Variants in ATP10B observed in about 807,000 individuals in gnomAD.
ATP10B encodes the protein ATPase phospholipid transporting 10B (putative).
Under a neutral mutation model 141.2 loss-of-function variants are expected in ATP10B, and 122 were observed. That is an observed-to-expected ratio of 0.86 (90% CI 0.75 to 1.00). The LOEUF (loss-of-function observed/expected upper bound fraction) is 1.00. ATP10B is among the 50% of genes least tolerant of loss of function. The pLI, the probability that ATP10B is intolerant of heterozygous loss-of-function variation, is 0.00. For synonymous variants in ATP10B, 685 were observed against 692.0 expected, an observed-to-expected ratio of 0.99 and a Z score of 0.16; for missense variants, 1,876 against 1,825.3, an observed-to-expected ratio of 1.03 and a Z score of -0.51.
chr5:160,732,508 C>G (rs542281615), intron 2 of ATP10B, among the ~76,000 whole-genome samples: 17 of 152,252 alleles, frequency 1.1e-4, no homozygotes, highest in Admixed American at 7.2e-4. Flanking sequence ...TAGTTTCATT[C>G]TTCTGCATAT....
chr5:160,631,204 C>T (rs900870751), intron 13 of ATP10B, among the ~76,000 whole-genome samples: 2 of 152,198 alleles, frequency 1.3e-5, no homozygotes, highest in African/African-American at 4.8e-5. Context: ...CTGGGGCTCC[C>T]TGTGGCCTCT....
the ATP10B span, among the ~76,000 whole-genome samples, chr5:160,874,476 C>T: frequency 6.6e-5 from 10 of 152,080 alleles, no homozygotes; most frequent in Non-Finnish European, 1.3e-4. Flanking sequence ...ACGCAGAGTG[C>T]CTCTCCTCCT....
At chr5:160,597,586 A>G (rs1032520278) in intron 22 of ATP10B, among the ~76,000 whole-genome samples, 2 of 152,066 alleles carry the variant, frequency 1.3e-5, no homozygotes, top group African/African-American at 2.4e-5. Context: ...AGCAAAAGAA[A>G]CTACCATCAG....
intron 1 of ATP10B, among the ~76,000 whole-genome samples, chr5:160,813,435 G>A (rs1171818915): frequency 2.0e-5 from 3 of 152,216 alleles, no homozygotes; most frequent in African/African-American, 7.2e-5. Flanking sequence ...GAGGCTGGGG[G>A]AAGGGCACCC....
intron 2 of ATP10B, among the ~76,000 whole-genome samples, chr5:160,775,743 C>T (rs931907022): frequency 2.1e-5 from 3 of 145,042 alleles, no homozygotes; most frequent in Admixed American, 1.4e-4. Context: ...TGCAGTGGCG[C>T]GATCTCGGCT....
chr5:160,828,231 G>C (rs1774782885), intron 1 of ATP10B, among the ~76,000 whole-genome samples: 1 of 152,120 alleles, frequency 6.6e-6, no homozygotes, highest in South Asian at 2.1e-4. Flanking sequence ...AAACTAAAGA[G>C]CTTCTGCACA....
chr5:160,670,576 T>A lies in ATP10B; in HGVS notation c.562A>T (p.Ile188Leu), dbSNP rs1762622017. ...MKCNEIVPAD[I>L]LLLFSSDPNG... ...GGGTCAGAGGAAAAAAGGAGGAGTA[T>A]GTCTGCTGGGACAATCTCATTGCAT... The change falls in exon 7 of 26, where the codon ATA becomes TTA. Residue 188 changes from isoleucine (I) to leucine (L), a missense_variant. Physicochemically the swap from Ile to Leu is conservative, Grantham distance 5. Coordinates refer to ENST00000327245, the MANE Select transcript of ATP10B (RefSeq NM_025153.3). The A allele has an allele frequency of 6.2e-7, 1 of 1,613,888 alleles. No individual in the cohort carries two copies. Among genetic ancestry groups the A allele is most frequent in the African/African-American group, 1.3e-5 (1 of 74,896 alleles).
chr5:160,709,566 G>A (rs1294124940), intron 3 of ATP10B, among the ~76,000 whole-genome samples: 1 of 151,426 alleles, frequency 6.6e-6, no homozygotes, highest in Non-Finnish European at 1.5e-5. Context: ...TGGCAAAGAT[G>A]AGATGCAATG....
chr5:160,770,265 G>A (rs898144622), intron 2 of ATP10B, among the ~76,000 whole-genome samples: 2 of 151,498 alleles, frequency 1.3e-5, no homozygotes, highest in African/African-American at 4.9e-5. Context: ...CCACTGGCTA[G>A]TTGCCCTTCC....
intron 6 of ATP10B, among the ~76,000 whole-genome samples, chr5:160,678,786 G>T (rs1217588389): frequency 6.6e-6 from 1 of 152,174 alleles, no homozygotes; most frequent in Non-Finnish European, 1.5e-5. Flanking sequence ...TTTTATATAG[G>T]TTGAAATGGA....
intron 7 of ATP10B, among the ~76,000 whole-genome samples, chr5:160,652,522 G>A (rs982792969): frequency 2.8e-4 from 41 of 145,472 alleles, no homozygotes; most frequent in African/African-American, 9.3e-4. Context: ...GCAGTGGTGC[G>A]ATCACAGCTC....
the ATP10B span, among the ~76,000 whole-genome samples, chr5:160,890,133 A>G: frequency 6.6e-6 from 1 of 152,204 alleles, no homozygotes; most frequent in African/African-American, 2.4e-5. Context: ...ATCAAAATGT[A>G]AACTCCATGA....
intron 1 of ATP10B, among the ~76,000 whole-genome samples, chr5:160,835,822 G>A (rs1177456501): frequency 6.6e-6 from 1 of 152,054 alleles, no homozygotes; most frequent in Non-Finnish European, 1.5e-5. Context: ...GGGGTTTTCT[G>A]CCCTCTGATT....
Position 160,569,351 on chromosome 5 carries a change from T to C in ATP10B, c.3938+145A>G, listed in dbSNP as rs1581127690. 4 of 837,706 alleles carry C rather than the reference T, an allele frequency of 4.8e-6. No individual in the cohort carries two copies. In the East Asian group the frequency reaches 1.1e-4, roughly 23 times the overall value. The allele number at this position is 837,706 out of a possible 1,614,324, so 51.9% of individuals were successfully genotyped here. On this transcript the variant is annotated intron_variant, in intron 25 of 25. Transcript: ENST00000327245. ...ATTTGCCTCCTTTGTCATTCATTGT[T>C]CTTTCTGTCCCATCTCTCTGTTTCT...
intron 13 of ATP10B, among the ~76,000 whole-genome samples, chr5:160,624,784 T>G (rs1758526602): frequency 1.3e-5 from 2 of 152,250 alleles, no homozygotes; most frequent in Admixed American, 1.3e-4. Flanking sequence ...TTGACCAAAG[T>G]CGCCTAGTGA....
At chr5:160,896,049 G>T in the ATP10B span, among the ~76,000 whole-genome samples, 1 of 152,188 alleles carries the variant, frequency 6.6e-6, no homozygotes, top group Non-Finnish European at 1.5e-5. Context: ...CTAAAGCAGT[G>T]TGTAGAGGGA....
chr5:160,923,408 T>G, the ATP10B span, among the ~76,000 whole-genome samples: 1 of 152,176 alleles, frequency 6.6e-6, no homozygotes, highest in Non-Finnish European at 1.5e-5. Context: ...TTCTAATCTG[T>G]AAACGATGAT....
chr5:160,780,701 CT>C, intron 2 of ATP10B, among the ~76,000 whole-genome samples: 1 of 152,212 alleles, frequency 6.6e-6, no homozygotes, highest in African/African-American at 2.4e-5. Flanking sequence ...TCAATAGATA[CT>C]TTTAGATTCC....
intron 16 of ATP10B, 116 bp from the exon 17 acceptor site, chr5:160,616,080 G>T: frequency 8.9e-7 from 1 of 1,119,886 alleles, no homozygotes; most frequent in Non-Finnish European, 1.2e-6. Context: ...TACATAATTA[G>T]ATGGGGCTTT....
Sources: allele counts gnomAD v4.1 joint callset (sites outside exome capture counted in the v4.1 genomes callset), GRCh38; gene constraint gnomAD v4.1.1; transcripts MANE v1.5; gene names NCBI Gene and HGNC (gene_info 2026-07-23, HGNC 2026-07-21).